Variants in APLF observed in about 807,000 individuals in gnomAD.
The protein encoded by APLF is aprataxin and PNK-like factor.
A neutral mutation model predicts 55.6 loss-of-function variants in APLF; 61 were observed. The observed-to-expected ratio is 1.10, with a 90% CI of 0.89 to 1.36. The LOEUF (loss-of-function observed/expected upper bound fraction) is 1.36, where lower values mean the gene tolerates loss of function less well. Ranked by LOEUF, APLF falls within the 40% of genes most tolerant of loss-of-function variation. APLF has a pLI of 0.00. For synonymous variants in APLF, 207 were observed against 214.8 expected (o/e 0.96, Z 0.32); for missense variants, 611 against 602.5 (o/e 1.01, Z -0.15).
chr2:68,522,400 C>G (rs991230976), intron 5 of APLF, among the ~76,000 whole-genome samples: 2 of 151,432 alleles, frequency 1.3e-5, no homozygotes, highest in African/African-American at 4.8e-5. Context: ...CTTATGATAC[C>G]TTTTTATTTT....
intron 8 of APLF, among the ~76,000 whole-genome samples, chr2:68,566,416 A>G (rs564394199): frequency 1.1e-4 from 17 of 152,176 alleles, no homozygotes; most frequent in African/African-American, 4.1e-4. Context: ...AGGGGCAAGA[A>G]TGTGTATCTG....
intron 3 of APLF, among the ~76,000 whole-genome samples, chr2:68,510,519 T>C (rs1019074692): frequency 6.6e-6 from 1 of 151,792 alleles, no homozygotes; most frequent in Non-Finnish European, 1.5e-5. Flanking sequence ...ATCAAAAATA[T>C]AATAACAAGT....
intron 8 of APLF, 102 bp from the exon 9 acceptor site, chr2:68,567,239 C>G: frequency 1.0e-6 from 1 of 1,000,200 alleles, no homozygotes; most frequent in East Asian, 2.5e-5. Context: ...CTATTGGGTC[C>G]TAAGTTTATT....
chr2:68,518,669 C>CAATATATCATTAATATATATCATT (rs1669755687), intron 5 of APLF, among the ~76,000 whole-genome samples: 2 of 96,410 alleles, frequency 2.1e-5, no homozygotes, highest in African/African-American at 1.5e-4. Context: ...TATAATAAAT[C>CAATATATCATTAATATATATCATT]AATATATCAT....
chr2:68,565,915 G>A (rs945506258), intron 8 of APLF, among the ~76,000 whole-genome samples: 15 of 151,916 alleles, frequency 9.9e-5, no homozygotes, highest in Admixed American at 2.0e-4. Context: ...TAATATGTTC[G>A]TTACCCAAGT....
chr2:68,554,461 A>G (rs1187853076), intron 8 of APLF, among the ~76,000 whole-genome samples: 55 of 152,070 alleles, frequency 3.6e-4, no homozygotes, highest in Admixed American at 3.6e-3. Context: ...CCTGATGGGA[A>G]TTGAGTTGAA....
chr2:68,467,942 AT>A, intron 1 of APLF, 115 bp downstream of exon 1: 1 of 775,914 alleles, frequency 1.3e-6, no homozygotes, highest in Non-Finnish European at 1.7e-6. Flanking sequence ...GCCGGTCCGG[AT>A]TTTAGAAGTT....
intron 8 of APLF, among the ~76,000 whole-genome samples, chr2:68,546,341 AAAG>A (rs1344488843): frequency 1.1e-4 from 16 of 152,088 alleles, no homozygotes; most frequent in Non-Finnish European, 1.3e-4. Flanking sequence ...ACAAACATTT[AAAG>A]AAGAAGCACT....
chr2:68,492,414 C>G (rs960466136), intron 2 of APLF, among the ~76,000 whole-genome samples: 8 of 152,060 alleles, frequency 5.3e-5, no homozygotes, highest in Admixed American at 2.0e-4. Flanking sequence ...GGAGGCGGAG[C>G]TTGCAGTGAG....
intron 7 of APLF, among the ~76,000 whole-genome samples, chr2:68,542,555 A>G (rs967576378): frequency 6.6e-6 from 1 of 152,226 alleles, no homozygotes; most frequent in Non-Finnish European, 1.5e-5. Context: ...AAAGATGCTC[A>G]ACATCACTAA....
chr2:68,495,372 A>C (rs930136282), intron 2 of APLF, among the ~76,000 whole-genome samples: 1 of 152,230 alleles, frequency 6.6e-6, no homozygotes, highest in African/African-American at 2.4e-5. Context: ...CTGTAGGCCC[A>C]ACACAAGTTC....
At chr2:68,514,003 T>C (rs982501573) in intron 5 of APLF, among the ~76,000 whole-genome samples, 1 of 151,814 alleles carries the variant, frequency 6.6e-6, no homozygotes. Context: ...AGGGTTTAAT[T>C]TGATTTTTAA....
At chr2:68,566,996 A>C (rs1439161609) in intron 8 of APLF, among the ~76,000 whole-genome samples, 4 of 152,030 alleles carry the variant, frequency 2.6e-5, no homozygotes, top group Non-Finnish European at 4.4e-5. Flanking sequence ...TATTTGTGTC[A>C]TAGTTTTGGA....
intron 5 of APLF, among the ~76,000 whole-genome samples, chr2:68,517,825 G>C (rs1669672409): frequency 7.0e-6 from 1 of 143,360 alleles, no homozygotes; most frequent in South Asian, 2.2e-4. Flanking sequence ...ACTAATATGT[G>C]TTAATATATA....
chr2:68,503,646 A>G (rs185396316), intron 3 of APLF, among the ~76,000 whole-genome samples: 12 of 152,252 alleles, frequency 7.9e-5, no homozygotes, highest in Non-Finnish European at 1.6e-4. Context: ...GGGAAATTGG[A>G]AAACATTTTG....
intron 8 of APLF, among the ~76,000 whole-genome samples, chr2:68,564,619 A>G (rs935362551): frequency 6.6e-6 from 1 of 152,104 alleles, no homozygotes; most frequent in Non-Finnish European, 1.5e-5. Context: ...GAATCCTCAC[A>G]ACAGCTTCTT....
intron 1 of APLF, among the ~76,000 whole-genome samples, chr2:68,488,329 C>CTTT (rs60462016): frequency 7.0e-5 from 9 of 128,868 alleles, no homozygotes; most frequent in African/African-American, 2.4e-4. Context: ...CATTTATTAT[C>CTTT]TTTTTTTTTT....
Position 68,516,424 on chromosome 2 carries a change from A to G in APLF, c.622+2744A>G, listed in dbSNP as rs1573202784. 2.6e-5 allele frequency among the ~76,000 whole-genome samples: 4 copies of G among 151,308 alleles called. No individual in the cohort carries two copies. The East Asian group carries it at 7.8e-4, about 29-fold the overall frequency. On this transcript the variant is annotated intron_variant, in intron 5 of 9. Coordinates refer to ENST00000303795, the MANE Select transcript of APLF (RefSeq NM_173545.3). ...GCCAATACAGTTTATTATTATTATTATCATCACTATTATATATATATTTTT... is the reference window on the plus strand; with the variant it reads ...GCCAATACAGTTTATTATTATTATTGTCATCACTATTATATATATATTTTT...
chr2:68,572,024 A>G (rs953492579), intron 9 of APLF, among the ~76,000 whole-genome samples: 6 of 152,118 alleles, frequency 3.9e-5, no homozygotes, highest in Non-Finnish European at 7.4e-5. Context: ...TATTTCTACA[A>G]TTGTATACAT....
Sources: allele counts gnomAD v4.1 joint callset (sites outside exome capture counted in the v4.1 genomes callset), GRCh38; gene constraint gnomAD v4.1.1; transcripts MANE v1.5; gene names NCBI Gene and HGNC (gene_info 2026-07-23, HGNC 2026-07-21).